HIVEP1: variants seen among roughly 807,000 people sequenced by gnomAD.
The protein encoded by HIVEP1 is zinc finger protein 40.
HIVEP1 carries 36 observed loss-of-function variants against 180.0 expected under a neutral mutation model. The observed-to-expected ratio is 0.20, with a 90% CI of 0.15 to 0.26. HIVEP1 has a LOEUF of 0.26. HIVEP1 is among the 10% of genes least tolerant of loss of function. The pLI, the probability that HIVEP1 is intolerant of heterozygous loss-of-function variation, is 1.00. For missense variants in HIVEP1, 3,143 were observed against 3,268.7 expected, an observed-to-expected ratio of 0.96 and a Z score of 0.94; for synonymous variants, 1,239 against 1,239.0, an observed-to-expected ratio of 1.00 and a Z score of 0.00.
At chr6:12,071,988 T>C (rs1247583606) in intron 2 of HIVEP1, among the ~76,000 whole-genome samples, 1 of 152,218 alleles carries the variant, frequency 6.6e-6, no homozygotes, top group Non-Finnish European at 1.5e-5. Context: ...TTCTTATAAA[T>C]TGGGATTTGG....
chr6:12,196,257 T>C, the HIVEP1 span, among the ~76,000 whole-genome samples: 2,906 of 152,314 alleles, frequency 0.019, 100 homozygotes, highest in African/African-American at 0.066. Flanking sequence ...CTCTTCTACT[T>C]TGTGGTTGAG....
the HIVEP1 span, among the ~76,000 whole-genome samples, chr6:12,205,861 A>T: frequency 6.6e-6 from 1 of 152,128 alleles, no homozygotes; most frequent in Non-Finnish European, 1.5e-5. Context: ...GTGACCCTGA[A>T]ACCCATATTT....
chr6:12,117,204 C>T lies in HIVEP1; in HGVS notation c.95-2686C>T, dbSNP rs556074377. ...GTTTTCTGAGGTGTAAACCAAATTGCCAGAAAACAAGGGAGTATGCAAAGT... is the reference window on the plus strand; with the variant it reads ...GTTTTCTGAGGTGTAAACCAAATTGTCAGAAAACAAGGGAGTATGCAAAGT... On this transcript the variant is annotated intron_variant, in intron 3 of 8. Transcript: ENST00000379388. 4.3e-4 allele frequency among the ~76,000 whole-genome samples: 65 copies of T among 152,156 alleles called. 2 individuals carry two copies. Among genetic ancestry groups the T allele is most frequent in the Admixed American group, 3.5e-3 (53 of 15,300 alleles).
chr6:12,129,453 T>C, intron 4 of HIVEP1: 1 of 393,132 alleles, frequency 2.5e-6, no homozygotes, highest in Non-Finnish European at 4.8e-6. Context: ...ATATTTAGTC[T>C]ACTAAAAAAA....
downstream of HIVEP1, among the ~76,000 whole-genome samples, chr6:12,167,960 GTATATATTATATATA>G (rs1760774146): frequency 2.3e-5 from 2 of 87,362 alleles, no homozygotes; most frequent in East Asian, 2.9e-4. Flanking sequence ...ATGTATATAT[GTATATATTATATATA>G]CATGTACATG....
the HIVEP1 span, among the ~76,000 whole-genome samples, chr6:12,204,630 A>G: frequency 1.3e-5 from 2 of 152,226 alleles, no homozygotes; most frequent in African/African-American, 4.8e-5. Flanking sequence ...TCTACAGACC[A>G]GGCCTAGTAA....
intron 3 of HIVEP1, among the ~76,000 whole-genome samples, chr6:12,104,870 T>C (rs923449796): frequency 3.9e-5 from 6 of 152,338 alleles, no homozygotes; most frequent in Admixed American, 3.3e-4. Flanking sequence ...TTCTGAAATT[T>C]TCAGTATTCT....
At chr6:12,092,382 C>T (rs577178035) in intron 3 of HIVEP1, among the ~76,000 whole-genome samples, 61 of 152,240 alleles carry the variant, frequency 4.0e-4, no homozygotes, top group South Asian at 2.1e-3. Flanking sequence ...TCACCCATGC[C>T]GTTGCACATA....
At chr6:12,036,485 C>G (rs1305295350) in intron 2 of HIVEP1, among the ~76,000 whole-genome samples, 2 of 152,174 alleles carry the variant, frequency 1.3e-5, no homozygotes, top group East Asian at 1.9e-4. Context: ...TACCCTGTGA[C>G]TCTTCAGTTA....
At chr6:12,141,118 A>G (rs907269396) in intron 7 of HIVEP1, among the ~76,000 whole-genome samples, 13 of 152,320 alleles carry the variant, frequency 8.5e-5, no homozygotes, top group African/African-American at 3.1e-4. Context: ...ACAGCCAGAG[A>G]GAAAGGTCGG....
the HIVEP1 span, among the ~76,000 whole-genome samples, chr6:12,193,803 G>A: frequency 1.1e-3 from 162 of 152,264 alleles, no homozygotes; most frequent in Middle Eastern, 6.8e-3. Context: ...AGAAAGAGAC[G>A]AAGCAAAAGT....
chr6:12,117,483 C>G (rs1442989317), intron 3 of HIVEP1, among the ~76,000 whole-genome samples: 1 of 152,144 alleles, frequency 6.6e-6, no homozygotes, highest in South Asian at 2.1e-4. Flanking sequence ...ATTCCTTTAT[C>G]TTAACTTCAA....
At chr6:12,017,880 C>G (rs1025988112) in intron 2 of HIVEP1, among the ~76,000 whole-genome samples, 1 of 152,238 alleles carries the variant, frequency 6.6e-6, no homozygotes, top group Admixed American at 6.5e-5. Flanking sequence ...CAGTGGATCC[C>G]GCACTGGGGC....
Position 12,120,727 on chromosome 6 carries a change from T to C in HIVEP1, c.932T>C (p.Leu311Pro), listed in dbSNP as rs773551883. 6.2e-7 allele frequency: 1 copy of C among 1,614,244 alleles called. No homozygotes were observed. The highest frequency in any genetic ancestry group is 1.1e-5 in the South Asian group (1 of 91,086). ...LPGCSGFTGS[L>P]TNLQNQENAK... ...GGGTGTTCAGGTTTCACAGGATCAC[T>C]GACAAATCTGCAAAATCAAGAGAAT... Residue 311 changes from leucine (L) to proline (P), a missense_variant, in exon 4 of 9, where the codon CTG becomes CCG. Physicochemically the swap from Leu to Pro is moderately conservative, Grantham distance 98 (BLOSUM62 -3). This residue lies in a region of HIVEP1 where 306 missense variants were observed against 310.6 expected (regional missense o/e 0.99). Coordinates refer to ENST00000379388, the MANE Select transcript of HIVEP1 (RefSeq NM_002114.4).
intron 3 of HIVEP1, among the ~76,000 whole-genome samples, chr6:12,111,004 G>A (rs1217320709): frequency 1.3e-5 from 2 of 152,184 alleles, no homozygotes; most frequent in African/African-American, 4.8e-5. Context: ...TCCAAGGAGA[G>A]GCAGAGAGAC....
chr6:12,097,358 A>G (rs1279446212), intron 3 of HIVEP1, among the ~76,000 whole-genome samples: 1 of 151,462 alleles, frequency 6.6e-6, no homozygotes, highest in Non-Finnish European at 1.5e-5. Flanking sequence ...GGAAAGAAAA[A>G]GTCTAAACCT....
rs775029648 is a variant in HIVEP1, at chr6:12,123,161, C to G, written c.3366C>G (p.Asp1122Glu). Residue 1122 changes from aspartate to glutamate, a missense_variant, in exon 4 of 9, where the codon GAC becomes GAG. Asp to Glu is a conservative substitution (Grantham distance 45). Transcript: ENST00000379388. Reference protein sequence around the residue: ...MEQQISSAAQDKIELQRHGTG... With the variant: ...MEQQISSAAQEKIELQRHGTG... The stretch of plus-strand genomic sequence containing the variant: ...AACAGATAAGTTCAGCAGCCCAGGA[C>G]AAGATAGAACTGCAGAGACACGGAA... The G allele has an allele frequency of 1.2e-6, 2 of 1,614,196 alleles. No homozygotes were observed. The highest frequency in any genetic ancestry group is 2.2e-5 in the South Asian group (2 of 91,076).
chr6:12,142,445 A>G (rs1026971740), intron 7 of HIVEP1, among the ~76,000 whole-genome samples: 11 of 152,192 alleles, frequency 7.2e-5, no homozygotes, highest in African/African-American at 2.4e-4. Flanking sequence ...AAGATGTAAA[A>G]TCAACACCTA....
chr6:12,042,986 A>G (rs1318287264), intron 2 of HIVEP1, among the ~76,000 whole-genome samples: 2 of 152,174 alleles, frequency 1.3e-5, no homozygotes, highest in African/African-American at 4.8e-5. Context: ...AATAAAGCCG[A>G]TTTCTCAGTG....
Sources: gnomAD v4.1 joint callset for allele counts (sites outside exome capture counted in the v4.1 genomes callset) on GRCh38, gnomAD v4.1.1 for gene constraint, gnomAD v4.1.1 regional missense constraint, MANE v1.5 for transcripts, NCBI Gene and HGNC (gene_info 2026-07-23, HGNC 2026-07-21) for gene names.